Variants in ABCB1 observed in about 807,000 individuals in gnomAD.
The protein encoded by ABCB1 is ATP-dependent translocase ABCB1.
ABCB1 carries 69 observed loss-of-function variants against 142.0 expected under a neutral mutation model. The ratio of observed to expected loss-of-function variants is 0.49; its 90% CI spans 0.40 to 0.59. The LOEUF is 0.59. ABCB1 is among the 20% of genes least tolerant of loss of function. The probability of loss-of-function intolerance (pLI) is 0.00; values close to 1 mark genes in which losing one functional copy is unlikely to be tolerated. For missense variants in ABCB1, 1,326 were observed against 1,554.7 expected (o/e 0.85, Z 2.47); for synonymous variants, 532 against 539.2 (o/e 0.99, Z 0.18).
intron 1 of ABCB1, among the ~76,000 whole-genome samples, chr7:87,687,893 A>T: frequency 6.6e-6 from 1 of 152,330 alleles, no homozygotes; most frequent in East Asian, 1.9e-4. Context: ...ACAATGGATA[A>T]TCATAAACCT....
chr7:87,563,358 A>C, intron 7 of ABCB1: 1 of 455,440 alleles, frequency 2.2e-6, no homozygotes, highest in South Asian at 1.6e-5. Context: ...GAGATACAAC[A>C]ACAAAAAAAC....
At chr7:87,553,999 TAC>T in intron 8 of ABCB1, 67 bp from the exon 9 acceptor site, 2 of 1,455,286 alleles carry the variant, frequency 1.4e-6, no homozygotes, top group Admixed American at 3.4e-5. Context: ...GCATGATAGT[TAC>T]AGAGTGGCTA....
intron 1 of ABCB1, among the ~76,000 whole-genome samples, chr7:87,614,814 T>C (rs535061306): frequency 3.9e-4 from 59 of 152,222 alleles, no homozygotes; most frequent in Non-Finnish European, 7.6e-4. Flanking sequence ...TTTTTGTTTG[T>C]TTGTTTGTTT....
At chr7:87,626,351 A>ATATGTGTCATATATATGTGTCATATG (rs1246458706) in intron 1 of ABCB1, among the ~76,000 whole-genome samples, 1 of 30,808 alleles carries the variant, frequency 3.2e-5, no homozygotes, top group Non-Finnish European at 4.9e-5. Flanking sequence ...TGTGTCATAT[A>ATATGTGTCATATATATGTGTCATATG]TATGTGTCAT....
At position 87,516,505 on chromosome 7, in the gene ABCB1, T is replaced by A; in HGVS notation, c.3084+4A>T. 6.2e-7 allele frequency: 1 copy of A among 1,614,190 alleles called. No homozygotes were observed. Reference sequence around the variant, plus strand: ...AGATCAAACAGTTGAAACATCAAACTCACCGGCATTAGGCCTTCCGTGCTG... The same window carrying A: ...AGATCAAACAGTTGAAACATCAAACACACCGGCATTAGGCCTTCCGTGCTG... On this transcript the variant is annotated splice_donor_region_variant and intron_variant, in intron 24 of 27. Transcript: ENST00000622132.
chr7:87,702,123 A>G (rs962384222), intron 1 of ABCB1, among the ~76,000 whole-genome samples: 5 of 140,222 alleles, frequency 3.6e-5, no homozygotes, highest in Non-Finnish European at 7.6e-5. Flanking sequence ...AGCCTGGGCA[A>G]AAGAGCGAGA....
At chr7:87,578,945 G>A (rs1012512030) in intron 4 of ABCB1, among the ~76,000 whole-genome samples, 5 of 151,678 alleles carry the variant, frequency 3.3e-5, no homozygotes, top group African/African-American at 4.8e-5. Context: ...CACCTGCCTC[G>A]GCCTCCCAAA....
intron 1 of ABCB1, among the ~76,000 whole-genome samples, chr7:87,631,583 C>G (rs1292426181): frequency 6.6e-6 from 1 of 152,092 alleles, no homozygotes; most frequent in African/African-American, 2.4e-5. Flanking sequence ...TTAGTAGAGA[C>G]GGGGTTTCAC....
intron 1 of ABCB1, among the ~76,000 whole-genome samples, chr7:87,625,262 A>C (rs1453368498): frequency 6.6e-6 from 1 of 152,104 alleles, no homozygotes; most frequent in East Asian, 1.9e-4. Flanking sequence ...GTCTCAAAAA[A>C]AAAAAAGAAA....
At chr7:87,584,427 T>A (rs752084745) in intron 4 of ABCB1, among the ~76,000 whole-genome samples, 3 of 152,190 alleles carry the variant, frequency 2.0e-5, no homozygotes, top group Non-Finnish European at 4.4e-5. Context: ...TTTGACCACC[T>A]GAGTGCAAAC....
intron 21 of ABCB1, chr7:87,521,901 C>A: frequency 1.3e-6 from 1 of 774,366 alleles, no homozygotes; most frequent in South Asian, 1.3e-5. Context: ...AGAAAAGGGG[C>A]TTTGCTTTAG....
At chr7:87,606,866 T>C (rs770197619) in intron 1 of ABCB1, among the ~76,000 whole-genome samples, 68 of 152,146 alleles carry the variant, frequency 4.5e-4, no homozygotes, top group Non-Finnish European at 7.6e-4. Flanking sequence ...TGAGAATGCA[T>C]TTTCAGAATC....
At chr7:87,605,507 TAAAATAAATCTA>T, upstream of ABCB1, among the ~76,000 whole-genome samples, 1 of 152,096 alleles carries the variant, frequency 6.6e-6, no homozygotes, top group African/African-American at 2.4e-5. Context: ...TGCCCCCTAT[TAAAATAAATCTA>T]CCATAATAGC....
At chr7:87,684,746 C>CAAAAAAAAAAAAAAAAAAAAAA (rs71524694) in intron 1 of ABCB1, among the ~76,000 whole-genome samples, 3 of 37,784 alleles carry the variant, frequency 7.9e-5, no homozygotes, top group East Asian at 8.4e-4. Flanking sequence ...GACTCCGTCT[C>CAAAAAAAAAAAAAAAAAAAAAA]AAAAAAAAAA....
At chr7:87,550,645 G>A in intron 10 of ABCB1, 67 bp from the exon 11 acceptor site, 2 of 1,574,354 alleles carry the variant, frequency 1.3e-6, no homozygotes, top group South Asian at 1.1e-5. Flanking sequence ...ATTTTGTGGA[G>A]AGCTGGATAA....
intron 3 of ABCB1, among the ~76,000 whole-genome samples, chr7:87,590,570 G>T (rs914854583): frequency 2.0e-5 from 3 of 152,216 alleles, no homozygotes; most frequent in African/African-American, 7.2e-5. Flanking sequence ...ATCCTGTGAT[G>T]ATCTGGGGAC....
In ABCB1 at chr7:87,600,100, T is replaced by C; in HGVS notation, c.68+17A>G. The C allele has an allele frequency of 6.2e-7, 1 of 1,605,462 alleles. No individual in the cohort carries two copies. Among genetic ancestry groups the C allele is most frequent in the Non-Finnish European group, 8.5e-7 (1 of 1,172,482 alleles). Reference sequence around the variant, plus strand: ...CTCGCAACTATGTAAACTATGAAAATGAAACAAGCTAGTTACCTTTTATTG... The same window carrying C: ...CTCGCAACTATGTAAACTATGAAAACGAAACAAGCTAGTTACCTTTTATTG... On this transcript the variant is annotated intron_variant, in intron 2 of 27. Transcript: ENST00000622132.
At chr7:87,578,850 C>G (rs1238461798) in intron 4 of ABCB1, among the ~76,000 whole-genome samples, 1 of 151,648 alleles carries the variant, frequency 6.6e-6, no homozygotes, top group South Asian at 2.1e-4. Context: ...CCCGCCACCA[C>G]GCCCGGCTAA....
In ABCB1 at chr7:87,539,259, T is replaced by G. The variant is rs2235064; in HGVS notation, c.2397+9A>C. ...ACACATCCCAGGGCACAGCCCTCGATAGACATACCTGTCTGAGCATGGATC... is the reference window on the plus strand; with the variant it reads ...ACACATCCCAGGGCACAGCCCTCGAGAGACATACCTGTCTGAGCATGGATC... On this transcript the variant is annotated intron_variant, in intron 19 of 27. Transcript: ENST00000622132. The G allele has an allele frequency of 7.7e-5, 124 of 1,613,574 alleles. 1 individual carries two copies. The African/African-American group carries it at 1.2e-3, about 15-fold the overall frequency.
Sources: allele counts gnomAD v4.1 joint callset (sites outside exome capture counted in the v4.1 genomes callset), GRCh38; gene constraint gnomAD v4.1.1; transcripts MANE v1.5; gene names NCBI Gene and HGNC (gene_info 2026-07-23, HGNC 2026-07-21).